The following HIVEP1 variants were observed in gnomAD, a reference collection of about 807,000 sequenced individuals.
HIVEP1 encodes the protein HIVEP zinc finger 1.
In HIVEP1, 36 loss-of-function variants were observed where a neutral mutation model predicts 180.0. The observed-to-expected ratio is 0.20, with a 90% CI of 0.15 to 0.26. The LOEUF (loss-of-function observed/expected upper bound fraction) is 0.26. HIVEP1 is among the 10% of genes least tolerant of loss of function. HIVEP1 has a pLI of 1.00. For missense variants in HIVEP1, 3,143 were observed against 3,268.7 expected (o/e 0.96, Z 0.94); for synonymous variants, 1,239 against 1,239.0 (o/e 1.00, Z 0.00).
chr6:12,096,593 A>G (rs1773795420), intron 3 of HIVEP1, among the ~76,000 whole-genome samples: 1 of 151,850 alleles, frequency 6.6e-6, no homozygotes, highest in African/African-American at 2.4e-5. Flanking sequence ...GATAATGTGA[A>G]TGAGTTTCCA....
intron 3 of HIVEP1, among the ~76,000 whole-genome samples, chr6:12,100,303 G>C (rs962427950): frequency 6.6e-6 from 1 of 152,226 alleles, no homozygotes; most frequent in Admixed American, 6.5e-5. Context: ...GTTGGGGAGG[G>C]AGTTAACAAT....
At chr6:12,130,717 T>C in intron 5 of HIVEP1, 50 bp from the exon 6 acceptor site, 1 of 1,022,058 alleles carries the variant, frequency 9.8e-7, no homozygotes, top group Non-Finnish European at 1.4e-6. Context: ...CAATATTTTC[T>C]CAGAGGCATA....
At chr6:12,139,413 G>A (rs1483617737) in intron 7 of HIVEP1, among the ~76,000 whole-genome samples, 2 of 152,194 alleles carry the variant, frequency 1.3e-5, no homozygotes, top group South Asian at 2.1e-4. Context: ...AGTTCCCAGC[G>A]TGATTGACGC....
chr6:12,056,538 G>A (rs12196128), intron 2 of HIVEP1, among the ~76,000 whole-genome samples: 25,861 of 151,958 alleles, frequency 0.17, 2,543 homozygotes, highest in Non-Finnish European at 0.21. Context: ...TATTCTTATC[G>A]ATTCAGTTGA....
intron 3 of HIVEP1, among the ~76,000 whole-genome samples, chr6:12,112,639 TGC>T (rs1340023684): frequency 6.6e-6 from 1 of 152,094 alleles, no homozygotes; most frequent in African/African-American, 2.4e-5. Context: ...CTGCTCAGCT[TGC>T]AGCCTCCTGC....
At chr6:12,110,023 G>C (rs1774783574) in intron 3 of HIVEP1, among the ~76,000 whole-genome samples, 1 of 152,202 alleles carries the variant, frequency 6.6e-6, no homozygotes, top group Admixed American at 6.5e-5. Context: ...GCTCTTGAAT[G>C]ACAAGGTTTA....
the HIVEP1 span, among the ~76,000 whole-genome samples, chr6:12,187,163 A>G: frequency 6.6e-6 from 1 of 152,278 alleles, no homozygotes; most frequent in East Asian, 1.9e-4. Flanking sequence ...ATAGAAGGAG[A>G]GCAGAGTTCA....
At chr6:12,074,867 A>T (rs1229049089) in intron 2 of HIVEP1, among the ~76,000 whole-genome samples, 1 of 152,176 alleles carries the variant, frequency 6.6e-6, no homozygotes, top group Non-Finnish European at 1.5e-5. Context: ...CATGTTTGAT[A>T]GTATGTATGT....
At chr6:12,041,869 T>TC (rs1769750836) in intron 2 of HIVEP1, among the ~76,000 whole-genome samples, 1 of 151,450 alleles carries the variant, frequency 6.6e-6, no homozygotes, top group Non-Finnish European at 1.5e-5. Context: ...CCGTGTTAGC[T>TC]AGGATGGTCT....
intron 2 of HIVEP1, among the ~76,000 whole-genome samples, chr6:12,060,124 A>G (rs150978528): frequency 1.8e-4 from 28 of 152,292 alleles, no homozygotes; most frequent in Non-Finnish European, 1.8e-4. Flanking sequence ...AATTCTTTTT[A>G]TTAGACCATC....
intron 4 of HIVEP1, among the ~76,000 whole-genome samples, chr6:12,128,540 GGATTA>G (rs1388949310): frequency 6.6e-6 from 1 of 152,174 alleles, no homozygotes; most frequent in Non-Finnish European, 1.5e-5. Flanking sequence ...TTCAGCCAGA[GGATTA>G]GAGTTTGAGC....
chr6:12,198,269 A>G, the HIVEP1 span, among the ~76,000 whole-genome samples: 2 of 152,218 alleles, frequency 1.3e-5, no homozygotes, highest in Non-Finnish European at 1.5e-5. Context: ...GGGAGATGGT[A>G]TAAGATGAAC....
chr6:12,200,388 T>C, the HIVEP1 span, among the ~76,000 whole-genome samples: 1 of 152,262 alleles, frequency 6.6e-6, no homozygotes, highest in East Asian at 1.9e-4. Flanking sequence ...GGGGTAGCCC[T>C]GCTCTGCAGG....
chr6:12,108,988 A>G (rs1774694241), intron 3 of HIVEP1, among the ~76,000 whole-genome samples: 1 of 151,786 alleles, frequency 6.6e-6, no homozygotes, highest in African/African-American at 2.4e-5. Context: ...TTTTATTTTT[A>G]CTTTTTTTTG....
At chr6:12,199,360 CTTT>C in the HIVEP1 span, among the ~76,000 whole-genome samples, 6 of 109,438 alleles carry the variant, frequency 5.5e-5, no homozygotes, top group Non-Finnish European at 3.5e-5. Context: ...ACTGTCAATC[CTTT>C]TTTTTTTTTT....
rs533677903 is a variant in HIVEP1 at position 12,063,412 on chromosome 6, C to T, written c.41-25772C>T. ...CTTTTGGGGGGCAAAATCACCCCAA[C>T]CTAAAAACCACTAGTGGAGTTATAT... On this transcript the variant is annotated intron_variant, in intron 2 of 8. Coordinates refer to ENST00000379388, the MANE Select transcript of HIVEP1 (RefSeq NM_002114.4). This position sits in a 1 kb window ranked among gnomAD's most constrained non-coding sequence, Gnocchi z 4.2. Among the ~76,000 whole-genome samples, 1 of 152,102 alleles carries T rather than the reference C, an allele frequency of 6.6e-6. No homozygotes were observed. The highest frequency in any genetic ancestry group is 2.4e-5 in the African/African-American group (1 of 41,420).
chr6:12,145,736 C>A (rs1345153175), intron 7 of HIVEP1, among the ~76,000 whole-genome samples: 2 of 152,134 alleles, frequency 1.3e-5, no homozygotes, highest in African/African-American at 4.8e-5. Flanking sequence ...CACTTAACCA[C>A]CACCAGACAC....
intron 2 of HIVEP1, among the ~76,000 whole-genome samples, chr6:12,064,387 G>C (rs1771430669): frequency 6.6e-6 from 1 of 152,146 alleles, no homozygotes; most frequent in African/African-American, 2.4e-5. Context: ...ATTTCAATAA[G>C]GTCATCACAA....
chr6:12,062,437 A>G (rs1411877659), intron 2 of HIVEP1, among the ~76,000 whole-genome samples: 1 of 152,170 alleles, frequency 6.6e-6, no homozygotes, highest in East Asian at 1.9e-4. Flanking sequence ...ATATTGATGT[A>G]ATTAAACATT....
Sources: allele counts gnomAD v4.1 joint callset (sites outside exome capture counted in the v4.1 genomes callset), GRCh38; gene constraint gnomAD v4.1.1; non-coding constraint Gnocchi (gnomAD v3.1); transcripts MANE v1.5; gene names NCBI Gene and HGNC (gene_info 2026-07-23, HGNC 2026-07-21).